ATP6V1G3: variants seen among roughly 807,000 people sequenced by gnomAD.
ATP6V1G3 encodes V-type proton ATPase subunit G 3.
ATP6V1G3 carries 9 observed loss-of-function variants against 9.3 expected under a neutral mutation model. That is an observed-to-expected ratio of 0.97 (90% CI 0.59 to 1.69). The LOEUF is 1.69. Ranked by LOEUF, ATP6V1G3 falls within the 40% of genes most tolerant of loss-of-function variation. ATP6V1G3 has a pLI of 0.00. For missense variants in ATP6V1G3, 133 were observed against 139.0 expected (o/e 0.96, Z 0.22); for synonymous variants, 43 against 43.8 (o/e 0.98, Z 0.07).
At chr1:198,523,596 A>G (rs369527564) in intron 2 of ATP6V1G3, 32 bp from the exon 3 acceptor site, 16 of 1,588,450 alleles carry the variant, frequency 1.0e-5, no homozygotes, top group Non-Finnish European at 1.4e-5. Flanking sequence ...AATTCACATC[A>G]TAATACAATT....
chr1:198,537,085 C>A (rs1660145110), intron 1 of ATP6V1G3, among the ~76,000 whole-genome samples: 1 of 152,154 alleles, frequency 6.6e-6, no homozygotes, highest in African/African-American at 2.4e-5. Flanking sequence ...GCCCATGTCC[C>A]TGTCAGATTT....
chr1:198,538,195 AT>A, intron 1 of ATP6V1G3, among the ~76,000 whole-genome samples: 1 of 152,332 alleles, frequency 6.6e-6, no homozygotes, highest in South Asian at 2.1e-4. Flanking sequence ...TAAGAAAAAA[AT>A]ATGCAGGTAT....
intron 2 of ATP6V1G3, among the ~76,000 whole-genome samples, chr1:198,524,466 T>G (rs1434617569): frequency 6.6e-6 from 1 of 152,156 alleles, no homozygotes; most frequent in Non-Finnish European, 1.5e-5. Context: ...TCTTGAACAC[T>G]TAGTGTAAGT....
intron 1 of ATP6V1G3, among the ~76,000 whole-genome samples, chr1:198,534,567 C>A (rs1252837979): frequency 6.6e-6 from 1 of 152,122 alleles, no homozygotes; most frequent in African/African-American, 2.4e-5. Flanking sequence ...TGCAGAGAAT[C>A]AGCAAGGAGC....
chr1:198,524,789 A>T (rs564947337), intron 2 of ATP6V1G3, among the ~76,000 whole-genome samples: 25 of 152,220 alleles, frequency 1.6e-4, no homozygotes, highest in Non-Finnish European at 2.8e-4. Context: ...TTTTAAAGGC[A>T]AGAAGACTGT....
At position 198,538,904 on chromosome 1, in the gene ATP6V1G3, A is replaced by G. The variant is rs996207443; in HGVS notation, c.82+1665T>C. Among the ~76,000 whole-genome samples the G allele has an allele frequency of 1.3e-4, 19 of 151,612 alleles. 2 individuals are homozygous for G. The highest frequency in any genetic ancestry group is 8.5e-4 in the Admixed American group (13 of 15,222). ...CAGACCCTGTCTCAAAAAAAAAAAA[A>G]AAGAAGAAGAAGAAAAGAAAACCCT... On this transcript the variant is annotated intron_variant, in intron 1 of 2. Coordinates refer to ENST00000367382, the MANE Select transcript of ATP6V1G3 (RefSeq NM_001376861.1).
At chr1:198,533,324 T>C (rs957619975) in intron 1 of ATP6V1G3, among the ~76,000 whole-genome samples, 1 of 151,764 alleles carries the variant, frequency 6.6e-6, no homozygotes, top group South Asian at 2.1e-4. Context: ...AAAAATTTCT[T>C]TGGCTGGTGT....
intron 2 of ATP6V1G3, among the ~76,000 whole-genome samples, chr1:198,524,219 G>A (rs953982214): frequency 1.3e-5 from 2 of 151,548 alleles, no homozygotes; most frequent in Non-Finnish European, 2.9e-5. Context: ...TCGCCTCCCA[G>A]GTTCAAGCGA....
intron 2 of ATP6V1G3, among the ~76,000 whole-genome samples, chr1:198,525,181 T>C (rs1001750364): frequency 6.6e-6 from 1 of 152,208 alleles, no homozygotes; most frequent in Admixed American, 6.5e-5. Context: ...GAACTACTTA[T>C]TAAAATGGCT....
intron 1 of ATP6V1G3, among the ~76,000 whole-genome samples, chr1:198,537,393 T>A (rs1308585645): frequency 6.6e-6 from 1 of 152,200 alleles, no homozygotes; most frequent in Admixed American, 6.6e-5. Flanking sequence ...TCTTTCTCTT[T>A]CCCTCTTTCT....
intron 1 of ATP6V1G3, among the ~76,000 whole-genome samples, chr1:198,538,640 C>T (rs1660214446): frequency 6.6e-6 from 1 of 152,086 alleles, no homozygotes; most frequent in Admixed American, 6.6e-5. Context: ...CACAGTAGCT[C>T]ACTCCTGTAA....
intron 2 of ATP6V1G3, among the ~76,000 whole-genome samples, 194 bp from the exon 3 acceptor site, chr1:198,523,758 G>C (rs1659544537): frequency 6.6e-6 from 1 of 152,108 alleles, no homozygotes; most frequent in Non-Finnish European, 1.5e-5. Flanking sequence ...ATTGAAACTG[G>C]TCATAGCAGA....
At chr1:198,530,148 C>T (rs1340231832) in intron 1 of ATP6V1G3, among the ~76,000 whole-genome samples, 2 of 152,040 alleles carry the variant, frequency 1.3e-5, no homozygotes, top group African/African-American at 4.8e-5. Flanking sequence ...AATCTATTGT[C>T]TTTCAATTTC....
chr1:198,529,000 G>T, intron 2 of ATP6V1G3, 81 bp downstream of exon 2: 1 of 578,294 alleles, frequency 1.7e-6, no homozygotes, highest in African/African-American at 2.0e-5. Context: ...ATTTTTTTCT[G>T]TCAATATCCT....
intron 2 of ATP6V1G3, 127 bp from the exon 3 acceptor site, chr1:198,523,691 C>T (rs1659541744): frequency 1.2e-6 from 1 of 838,026 alleles, no homozygotes; most frequent in East Asian, 2.8e-5. Flanking sequence ...TAGATTTTTT[C>T]AGAGAACCAA....
chr1:198,526,834 C>G (rs560006129), intron 2 of ATP6V1G3, among the ~76,000 whole-genome samples: 1 of 152,298 alleles, frequency 6.6e-6, no homozygotes, highest in Admixed American at 6.5e-5. Context: ...AGGTTTTCTA[C>G]TTAGATTCAT....
chr1:198,527,635 C>A (rs1216365578), intron 2 of ATP6V1G3, among the ~76,000 whole-genome samples: 2 of 151,856 alleles, frequency 1.3e-5, no homozygotes, highest in Non-Finnish European at 2.9e-5. Context: ...GAAAGAAAAT[C>A]AAAGAAAAAA....
rs74715033 is a variant in ATP6V1G3, at chr1:198,525,636, T to A, written c.184-2072A>T. Among the ~76,000 whole-genome samples, 617 of 152,276 alleles carry A rather than the reference T, an allele frequency of 4.1e-3. 4 individuals carry two copies. The highest frequency in any genetic ancestry group is 0.014 in the African/African-American group (575 of 41,562). ...AGTTATTTTAGTAATATATTTAATC[T>A]AATAATATTCATATTTTAACATACA... On this transcript the variant is annotated intron_variant, in intron 2 of 2. Coordinates refer to ENST00000367382, the MANE Select transcript of ATP6V1G3 (RefSeq NM_001376861.1).
intron 2 of ATP6V1G3, among the ~76,000 whole-genome samples, chr1:198,527,335 G>A (rs559190730): frequency 2.6e-5 from 4 of 152,154 alleles, no homozygotes; most frequent in African/African-American, 9.6e-5. Context: ...TTGGCTTGGA[G>A]CGCTAATTAT....
Sources: gnomAD v4.1 joint callset for allele counts (sites outside exome capture counted in the v4.1 genomes callset) on GRCh38, gnomAD v4.1.1 for gene constraint, MANE v1.5 for transcripts, NCBI Gene and HGNC (gene_info 2026-07-23, HGNC 2026-07-21) for gene names.